TRHDE: variants seen among roughly 807,000 people sequenced by gnomAD.
TRHDE encodes the protein thyrotropin releasing hormone degrading enzyme.
A neutral mutation model predicts 125.7 loss-of-function variants in TRHDE; 72 were observed. That is an observed-to-expected ratio of 0.57 (90% CI 0.47 to 0.70). The LOEUF (loss-of-function observed/expected upper bound fraction) is 0.70. Among genes scored for constraint, TRHDE ranks in the 30% least tolerant of loss-of-function variants. The pLI, the probability that TRHDE is intolerant of heterozygous loss-of-function variation, is 0.00. For synonymous variants in TRHDE, 509 were observed against 509.1 expected (o/e 1.00, Z 0.00); for missense variants, 1,110 against 1,327.1 (o/e 0.84, Z 2.54).
At chr12:72,107,205 G>C (rs1875208428) in intron 2 of TRHDE, among the ~76,000 whole-genome samples, 1 of 152,102 alleles carries the variant, frequency 6.6e-6, no homozygotes, top group South Asian at 2.1e-4. Context: ...AGGAGTAACA[G>C]TTAATTTTGG....
intron 2 of TRHDE, among the ~76,000 whole-genome samples, chr12:72,362,322 AGCATTTTTTCAT>A (rs1459792196): frequency 1.3e-5 from 2 of 150,288 alleles, no homozygotes; most frequent in Admixed American, 1.3e-4. Flanking sequence ...AGTGATGGTG[AGCATTTTTTCAT>A]GTGTTTTTTG....
At chr12:72,146,272 A>C (rs1876225083) in intron 2 of TRHDE, among the ~76,000 whole-genome samples, 1 of 152,042 alleles carries the variant, frequency 6.6e-6, no homozygotes, top group Non-Finnish European at 1.5e-5. Flanking sequence ...GTGTTTCCTC[A>C]CTCTTAGACT....
At chr12:72,609,863 T>C (rs1872571742) in intron 12 of TRHDE, among the ~76,000 whole-genome samples, 1 of 144,468 alleles carries the variant, frequency 6.9e-6, no homozygotes, top group African/African-American at 2.7e-5. Flanking sequence ...GGCAGTAGAC[T>C]CAACCTCTGA....
At chr12:72,328,126 T>G (rs969153171) in intron 2 of TRHDE, among the ~76,000 whole-genome samples, 1 of 152,184 alleles carries the variant, frequency 6.6e-6, no homozygotes, top group Non-Finnish European at 1.5e-5. Flanking sequence ...AAAGCCAAAA[T>G]ATTCAAATCT....
At chr12:72,385,310 G>GT (rs991984625) in intron 3 of TRHDE, among the ~76,000 whole-genome samples, 1 of 151,984 alleles carries the variant, frequency 6.6e-6, no homozygotes, top group Non-Finnish European at 1.5e-5. Context: ...GGATCTCTCT[G>GT]TGGGTTAGCA....
At chr12:72,125,500 G>T (rs932586087) in intron 2 of TRHDE, among the ~76,000 whole-genome samples, 1 of 151,990 alleles carries the variant, frequency 6.6e-6, no homozygotes, top group South Asian at 2.1e-4. Flanking sequence ...ATTGCTTGTT[G>T]GTTCCCTTCA....
At chr12:72,649,193 A>T (rs886986891) in intron 15 of TRHDE, among the ~76,000 whole-genome samples, 5 of 152,100 alleles carry the variant, frequency 3.3e-5, no homozygotes, top group Non-Finnish European at 5.9e-5. Context: ...AAAGACCAAC[A>T]TATACACCAA....
At chr12:72,614,175 G>A (rs1872725567) in intron 12 of TRHDE, among the ~76,000 whole-genome samples, 1 of 151,680 alleles carries the variant, frequency 6.6e-6, no homozygotes, top group Non-Finnish European at 1.5e-5. Flanking sequence ...TCCAGCATTG[G>A]GAATTGCAAT....
intron 2 of TRHDE, among the ~76,000 whole-genome samples, chr12:72,352,774 T>A (rs1870641485): frequency 6.6e-6 from 1 of 151,692 alleles, no homozygotes; most frequent in Non-Finnish European, 1.5e-5. Context: ...TATAAATGAT[T>A]GCTAAGAATT....
At chr12:72,520,260 T>A (rs911714835) in intron 6 of TRHDE, among the ~76,000 whole-genome samples, 1 of 152,208 alleles carries the variant, frequency 6.6e-6, no homozygotes, top group Non-Finnish European at 1.5e-5. Flanking sequence ...CCTTGCAGTT[T>A]GATCTCAGAC....
At position 72,272,715 on chromosome 12, in the gene TRHDE, GAA is replaced by G; in HGVS notation, c.73_74del (p.Lys25GlufsTer243). 2 of 1,417,408 alleles carry G rather than the reference GAA, an allele frequency of 1.4e-6. No homozygotes were observed. Among genetic ancestry groups the G allele is most frequent in the African/African-American group, 1.5e-5 (1 of 65,858 alleles). 87.8% of individuals were successfully genotyped at this position (1,417,408 alleles called of 1,614,324 possible). A position where few individuals can be genotyped will look rare whatever the true frequency, so the allele number is the denominator to read the frequency against. ...AGAAGAAGAAAAAGAAGAGGAAGAA[GAA>G]GAAGGAGGAGGAGGAGGAGGAGGAG... is the stretch of plus-strand genomic sequence containing the variant. ...KKKKKKKRKK[K>X]KEEEEEEEGA... On this transcript the variant is annotated frameshift_variant, in exon 1 of 19. Transcript: ENST00000261180. LOFTEE classifies it high-confidence loss of function. The surrounding 1 kb of genome is among the most constrained non-coding windows in gnomAD (Gnocchi z 6.7).
At chr12:72,418,718 C>T (rs1262986695) in intron 3 of TRHDE, among the ~76,000 whole-genome samples, 3 of 151,994 alleles carry the variant, frequency 2.0e-5, no homozygotes, top group Admixed American at 6.6e-5. Flanking sequence ...ATCCTCACAC[C>T]AATAATTGGA....
At chr12:72,281,688 A>G (rs1259830093) in intron 1 of TRHDE, among the ~76,000 whole-genome samples, 1 of 152,204 alleles carries the variant, frequency 6.6e-6, no homozygotes, top group Non-Finnish European at 1.5e-5. Context: ...GTGTTATGCA[A>G]ATGTTTGTTT....
intron 17 of TRHDE, among the ~76,000 whole-genome samples, chr12:72,656,683 C>G (rs958802661): frequency 6.6e-6 from 1 of 152,002 alleles, no homozygotes; most frequent in African/African-American, 2.4e-5. Flanking sequence ...AAAAAATTTG[C>G]TACAACTCAG....
At chr12:72,453,417 T>C (rs1875679495) in intron 3 of TRHDE, among the ~76,000 whole-genome samples, 1 of 152,176 alleles carries the variant, frequency 6.6e-6, no homozygotes, top group Admixed American at 6.6e-5. Flanking sequence ...TCTAATAGCC[T>C]AGCTCAGATG....
chr12:72,112,852 A>T (rs1318985960), intron 2 of TRHDE, among the ~76,000 whole-genome samples: 1 of 152,120 alleles, frequency 6.6e-6, no homozygotes, highest in Non-Finnish European at 1.5e-5. Context: ...TAGCCATGTG[A>T]TCGTTTTACA....
At chr12:72,092,675 G>A (rs1209244593) in intron 1 of TRHDE, among the ~76,000 whole-genome samples, 1 of 152,226 alleles carries the variant, frequency 6.6e-6, no homozygotes, top group African/African-American at 2.4e-5. Flanking sequence ...GGAGTGCAAT[G>A]TGATGTTTGG....
intron 2 of TRHDE, among the ~76,000 whole-genome samples, chr12:72,187,470 T>TCG (rs1463921144): frequency 4.9e-5 from 7 of 143,160 alleles, no homozygotes; most frequent in South Asian, 2.4e-4. Flanking sequence ...GTGGTGGTGG[T>TCG]TGTGGTCGTG....
At chr12:72,100,922 T>TGC (rs1176741777) in intron 1 of TRHDE, among the ~76,000 whole-genome samples, 1 of 152,230 alleles carries the variant, frequency 6.6e-6, no homozygotes, top group Non-Finnish European at 1.5e-5. Context: ...TCATTTTGGC[T>TGC]GCTAAATTCA....
Sources: gnomAD v4.1 joint callset for allele counts (sites outside exome capture counted in the v4.1 genomes callset) on GRCh38, gnomAD v4.1.1 for gene constraint, Gnocchi (gnomAD v3.1) non-coding constraint, MANE v1.5 for transcripts, NCBI Gene and HGNC (gene_info 2026-07-23, HGNC 2026-07-21) for gene names.